Variants in SLC15A1 observed in about 807,000 individuals in gnomAD.
SLC15A1 encodes the protein solute carrier family 15 member 1.
Under a neutral mutation model 92.9 loss-of-function variants are expected in SLC15A1, and 83 were observed. The ratio of observed to expected loss-of-function variants is 0.89; its 90% CI spans 0.75 to 1.07. The LOEUF is 1.07. Among genes scored for constraint, SLC15A1 ranks in the 50% least tolerant of loss-of-function variants. SLC15A1 has a pLI of 0.00. For synonymous variants in SLC15A1, 322 were observed against 318.2 expected (o/e 1.01, Z -0.13); for missense variants, 857 against 880.1 (o/e 0.97, Z 0.33).
At chr13:98,726,793 G>T in intron 2 of SLC15A1, 50 bp downstream of exon 2, 1 of 1,575,352 alleles carries the variant, frequency 6.3e-7, no homozygotes, top group Non-Finnish European at 8.7e-7. Flanking sequence ...TAAAACAGAT[G>T]ATAAAATTTA....
intron 1 of SLC15A1, among the ~76,000 whole-genome samples, chr13:98,743,502 A>C (rs998815802): frequency 6.6e-6 from 1 of 152,198 alleles, no homozygotes; most frequent in African/African-American, 2.4e-5. Context: ...ACCTTTGGAC[A>C]TGCTGACAGA....
chr13:98,752,528 G>T, intron 1 of SLC15A1, 67 bp downstream of exon 1: 1 of 1,258,420 alleles, frequency 7.9e-7, no homozygotes, highest in Non-Finnish European at 1.0e-6. Context: ...CCGGCCCTCG[G>T]TGCCGGCCCC....
At chr13:98,698,027 T>G (rs1593983330) in intron 18 of SLC15A1, among the ~76,000 whole-genome samples, 1 of 152,282 alleles carries the variant, frequency 6.6e-6, no homozygotes, top group East Asian at 1.9e-4. Context: ...CTTATGTTTT[T>G]GTTAACAAGA....
intron 1 of SLC15A1, among the ~76,000 whole-genome samples, chr13:98,743,326 C>G (rs553984216): frequency 1.6e-4 from 25 of 152,218 alleles, no homozygotes; most frequent in Non-Finnish European, 2.8e-4. Context: ...ACACAACTAT[C>G]TAAAATCATA....
chr13:98,701,245 C>A (rs1357715247), intron 18 of SLC15A1, among the ~76,000 whole-genome samples: 6 of 152,104 alleles, frequency 3.9e-5, no homozygotes, highest in Non-Finnish European at 8.8e-5. Flanking sequence ...TCAAATCCTG[C>A]ACATTTTGTT....
chr13:98,689,978 G>A (rs2087962219), intron 18 of SLC15A1, among the ~76,000 whole-genome samples: 2 of 152,200 alleles, frequency 1.3e-5, no homozygotes, highest in South Asian at 2.1e-4. Context: ...AGCACGGATG[G>A]CTGATTACAG....
intron 9 of SLC15A1, among the ~76,000 whole-genome samples, chr13:98,714,357 AT>A (rs1228533041): frequency 6.6e-6 from 1 of 152,180 alleles, no homozygotes; most frequent in Non-Finnish European, 1.5e-5. Context: ...ATACAACACA[AT>A]ACAACAATCT....
chr13:98,704,236 G>A, intron 17 of SLC15A1, 53 bp downstream of exon 17: 1 of 1,498,746 alleles, frequency 6.7e-7, no homozygotes, highest in Admixed American at 2.4e-5. Context: ...AAAAATTTTG[G>A]CCTCCAGTAT....
chr13:98,729,854 T>A (rs961613531), intron 1 of SLC15A1, among the ~76,000 whole-genome samples: 4 of 152,108 alleles, frequency 2.6e-5, no homozygotes, highest in African/African-American at 9.7e-5. Context: ...CCTGTGCTGG[T>A]GTTATTTCCA....
chr13:98,717,605 A>G (rs113625138), intron 8 of SLC15A1, among the ~76,000 whole-genome samples: 3,146 of 152,320 alleles, frequency 0.021, 48 homozygotes, highest in Middle Eastern at 0.054. Context: ...GGAGGTATCA[A>G]TGAGCCTGCT....
In SLC15A1 at chr13:98,711,896, C is replaced by T. The variant is rs758834502; in HGVS notation, c.858G>A (p.Leu286=). The part of the protein sequence containing the change: ...QIKMVTRVMF[L]YIPLPMFWAL... ...CCCAGAACATTGGGAGTGGAATATA[C>T]AGGAACATCACCCTCGTAACCATCT... Residue 286 remains leucine (L), a synonymous_variant, in exon 11 of 23, where the codon CTG becomes CTA. Coordinates refer to ENST00000376503, the MANE Select transcript of SLC15A1 (RefSeq NM_005073.4). The T allele has an allele frequency of 9.3e-6, 15 of 1,613,642 alleles. No individual in the cohort carries two copies. The highest frequency in any genetic ancestry group is 1.1e-5 in the Non-Finnish European group (13 of 1,179,928).
intron 1 of SLC15A1, among the ~76,000 whole-genome samples, chr13:98,730,188 T>TC (rs1680503272): frequency 7.4e-6 from 1 of 134,748 alleles, no homozygotes; most frequent in African/African-American, 2.8e-5. Flanking sequence ...TGAGCGAGAC[T>TC]CCGTCTCAAA....
intron 2 of SLC15A1, 98 bp from the exon 3 acceptor site, chr13:98,726,547 T>G (rs1184122933): frequency 9.3e-7 from 1 of 1,073,690 alleles, no homozygotes; most frequent in Admixed American, 1.9e-5. Flanking sequence ...CAACGCAGAT[T>G]CAGTAACTTA....
At chr13:98,723,774 G>T in intron 5 of SLC15A1, 138 bp downstream of exon 5, 1 of 1,171,602 alleles carries the variant, frequency 8.5e-7, no homozygotes, top group Non-Finnish European at 1.2e-6. Context: ...CTATTTGACA[G>T]CCTTCTCCAT....
rs766315916 is a variant in SLC15A1, at chr13:98,723,908, T to A, written c.365+4A>T. 7.6e-5 allele frequency: 123 copies of A among 1,613,890 alleles called. No homozygotes were observed. The highest frequency in any genetic ancestry group is 1.0e-4 in the Non-Finnish European group (121 of 1,179,948). On this transcript the variant is annotated splice_donor_region_variant and intron_variant, in intron 5 of 22. Transcript: ENST00000376503. ...GATGGGGGCAGCAGTGAGCACCAAC[T>A]CACACGTGCACAGGAAGGCTGTCGG... is the stretch of plus-strand genomic sequence containing the variant.
intron 1 of SLC15A1, among the ~76,000 whole-genome samples, chr13:98,729,915 T>C (rs572338359): frequency 2.0e-4 from 31 of 152,178 alleles, no homozygotes; most frequent in African/African-American, 7.2e-4. Context: ...TGGTCTTGCA[T>C]TTTTGCCCAC....
At chr13:98,706,330 T>C in intron 15 of SLC15A1, 77 bp from the exon 16 acceptor site, 1 of 1,539,458 alleles carries the variant, frequency 6.5e-7, no homozygotes. Flanking sequence ...GACAAGGGGG[T>C]GCTTTCCTCC....
intron 11 of SLC15A1, 92 bp from the exon 12 acceptor site, chr13:98,710,003 A>C (rs2139580780): frequency 1.7e-6 from 2 of 1,178,138 alleles, no homozygotes; most frequent in Middle Eastern, 2.1e-4. Context: ...ATCAGGAATG[A>C]GGTCTGACAT....
intron 18 of SLC15A1, among the ~76,000 whole-genome samples, chr13:98,694,017 T>C (rs930588672): frequency 5.3e-5 from 8 of 152,324 alleles, no homozygotes; most frequent in African/African-American, 1.9e-4. Flanking sequence ...CCCTAAATCT[T>C]TCAGGATTTA....
Sources: allele counts gnomAD v4.1 joint callset (sites outside exome capture counted in the v4.1 genomes callset), GRCh38; gene constraint gnomAD v4.1.1; transcripts MANE v1.5; gene names NCBI Gene and HGNC (gene_info 2026-07-23, HGNC 2026-07-21).